The following METTL6 variants were observed in gnomAD, a reference collection of about 807,000 sequenced individuals.
The protein encoded by METTL6 is tRNA N(3)-cytidine methyltransferase METTL6.
In METTL6, 22 loss-of-function variants were observed where a neutral mutation model predicts 26.4. That is an observed-to-expected ratio of 0.83 (90% CI 0.59 to 1.19). The LOEUF (loss-of-function observed/expected upper bound fraction) is 1.19, where lower values mean the gene tolerates loss of function less well. METTL6 is among the 50% of genes most tolerant of loss of function. The pLI is 0.00. For missense variants in METTL6, 304 were observed against 324.8 expected (o/e 0.94, Z 0.49); for synonymous variants, 109 against 116.2 (o/e 0.94, Z 0.40).
At chr3:15,414,257 C>T (rs1458411567) in intron 4 of METTL6, 95 bp from the exon 5 acceptor site, 1 of 1,509,588 alleles carries the variant, frequency 6.6e-7, no homozygotes, top group African/African-American at 1.4e-5. Context: ...GTGATAGTTA[C>T]TAAGGGGACA....
Position 15,426,364 on chromosome 3 carries a change from T to C in METTL6, c.148A>G (p.Lys50Glu). The C allele has an allele frequency of 6.2e-7, 1 of 1,614,254 alleles. No individual in the cohort carries two copies. The highest frequency in any genetic ancestry group is 8.5e-7 in the Non-Finnish European group (1 of 1,180,040). ...EAQKNWDLFY[K>E]RNSTNFFKDR... ...TTGAAGAAATTAGTGCTATTTCTTTTGTAAAAAAGATCCCAATTTTTCTGA... is the reference window on the plus strand; with the variant it reads ...TTGAAGAAATTAGTGCTATTTCTTTCGTAAAAAAGATCCCAATTTTTCTGA... The change falls in exon 2 of 6, where the codon AAA (lysine) becomes GAA (glutamate). Residue 50 changes from lysine to glutamate, a missense_variant. Transcript: ENST00000383790.
At chr3:15,409,590 C>CT (rs11383354), downstream of METTL6, among the ~76,000 whole-genome samples, 3,276 of 152,220 alleles carry the variant, frequency 0.022, 101 homozygotes, top group African/African-American at 0.072. Flanking sequence ...CTCTGAAATT[C>CT]TAACTCTAAA....
intron 4 of METTL6, 40 bp from the exon 5 acceptor site, chr3:15,414,202 C>G: frequency 1.3e-6 from 2 of 1,578,322 alleles, no homozygotes; most frequent in South Asian, 1.2e-5. Context: ...TTTGGAGAAC[C>G]CTGTCAAAAT....
intron 1 of METTL6, among the ~76,000 whole-genome samples, chr3:15,426,947 A>G (rs1347353318): frequency 1.3e-5 from 2 of 152,176 alleles, no homozygotes; most frequent in African/African-American, 4.8e-5. Flanking sequence ...ATATTCCTCA[A>G]TTTTCGGTGC....
chr3:15,394,691 T>C (rs1699440474), intron 6 of METTL6, among the ~76,000 whole-genome samples: 1 of 152,266 alleles, frequency 6.6e-6, no homozygotes, highest in Non-Finnish European at 1.5e-5. Flanking sequence ...GATTCTGGTA[T>C]GTTGTGTCTT....
At chr3:15,393,486 ATTTC>A (rs1699404009) in intron 6 of METTL6, among the ~76,000 whole-genome samples, 1 of 152,114 alleles carries the variant, frequency 6.6e-6, no homozygotes, top group Admixed American at 6.6e-5. Context: ...AATACCCTTT[ATTTC>A]TTTCTCCTGC....
intron 3 of METTL6, among the ~76,000 whole-genome samples, chr3:15,418,844 T>C (rs1230031846): frequency 6.6e-6 from 1 of 152,056 alleles, no homozygotes. Flanking sequence ...CAGCCTGGGA[T>C]AGTGAGACCT....
In METTL6 at chr3:15,385,471, G is replaced by A. The variant is rs1699168233; in HGVS notation, c.*12-1284C>T. Among the ~76,000 whole-genome samples the A allele has an allele frequency of 3.3e-5, 5 of 152,108 alleles. No homozygotes were observed. In the South Asian group the frequency reaches 1.0e-3, roughly 31 times the overall value. ...AACATAGCTGCGCGTGGTGGTGCAC[G>A]CCTGTAATTCCAGCTACTAGGGAGG... On this transcript the variant is annotated intron_variant, in intron 6 of 6. Coordinates refer to the METTL6 transcript ENST00000443029.
At chr3:15,397,151 C>A (rs556485291) in intron 6 of METTL6, among the ~76,000 whole-genome samples, 4 of 152,232 alleles carry the variant, frequency 2.6e-5, no homozygotes, top group African/African-American at 2.4e-5. Flanking sequence ...GCTTCCCAAC[C>A]GCTTTGTTTA....
At chr3:15,387,698 G>A (rs1699234288) in intron 6 of METTL6, among the ~76,000 whole-genome samples, 1 of 152,184 alleles carries the variant, frequency 6.6e-6, no homozygotes, top group Non-Finnish European at 1.5e-5. Flanking sequence ...ATTTGAGAGG[G>A]GAGTGAGGAG....
intron 3 of METTL6, among the ~76,000 whole-genome samples, chr3:15,420,819 A>G (rs1483965969): frequency 6.6e-6 from 1 of 152,214 alleles, no homozygotes; most frequent in Admixed American, 6.5e-5. Context: ...TGAAATTGTT[A>G]AAGTCCCCTC....
downstream of METTL6, among the ~76,000 whole-genome samples, chr3:15,406,142 G>A (rs906448193): frequency 6.6e-6 from 1 of 151,734 alleles, no homozygotes. Context: ...ATTTTTTATA[G>A]TACTGTTAGC....
intron 6 of METTL6, among the ~76,000 whole-genome samples, chr3:15,398,642 G>A (rs1699556831): frequency 6.6e-6 from 1 of 152,200 alleles, no homozygotes; most frequent in South Asian, 2.1e-4. Flanking sequence ...GAGCCCAGAA[G>A]TTGCAGACCA....
At chr3:15,418,188 T>C (rs753236461) in intron 3 of METTL6, among the ~76,000 whole-genome samples, 2 of 152,126 alleles carry the variant, frequency 1.3e-5, no homozygotes, top group African/African-American at 4.8e-5. Context: ...AAAAACATAG[T>C]GTGAAGAGAA....
chr3:15,395,010 T>C (rs1699449130), intron 6 of METTL6, among the ~76,000 whole-genome samples: 1 of 152,256 alleles, frequency 6.6e-6, no homozygotes, highest in South Asian at 2.1e-4. Context: ...TAGATGTCTA[T>C]TAGGTCCACT....
At chr3:15,384,911 C>G (rs1027916546) in intron 6 of METTL6, among the ~76,000 whole-genome samples, 38 of 152,276 alleles carry the variant, frequency 2.5e-4, no homozygotes, top group Non-Finnish European at 5.0e-4. Flanking sequence ...AGAGAAATAA[C>G]ACATTGCATC....
chr3:15,392,325 T>C (rs1222607342), intron 6 of METTL6, among the ~76,000 whole-genome samples: 1 of 151,876 alleles, frequency 6.6e-6, no homozygotes, highest in Admixed American at 6.6e-5. Context: ...TCATATCCTT[T>C]GCCCACTTGT....
intron 3 of METTL6, among the ~76,000 whole-genome samples, chr3:15,420,959 C>T (rs1487774131): frequency 1.3e-5 from 2 of 152,144 alleles, no homozygotes; most frequent in East Asian, 1.9e-4. Context: ...CATTTATTCA[C>T]GTTTTCAGTT....
At chr3:15,384,429 C>T (rs1254696509) in intron 6 of METTL6, 2 of 173,606 alleles carry the variant, frequency 1.2e-5, no homozygotes, top group Admixed American at 1.2e-4. Flanking sequence ...CGAGACTATG[C>T]AGAGAGAAAT....
Sources: allele counts gnomAD v4.1 joint callset (sites outside exome capture counted in the v4.1 genomes callset), GRCh38; gene constraint gnomAD v4.1.1; transcripts MANE v1.5; gene names NCBI Gene and HGNC (gene_info 2026-07-23, HGNC 2026-07-21).